IPO11: variants seen among roughly 807,000 people sequenced by gnomAD.
IPO11 encodes importin 11.
IPO11 carries 66 observed loss-of-function variants against 143.2 expected under a neutral mutation model. The observed-to-expected ratio is 0.46, with a 90% CI of 0.38 to 0.57. The LOEUF is 0.57. IPO11 is among the 20% of genes least tolerant of loss of function. IPO11 has a pLI of 0.00. For synonymous variants in IPO11, 385 were observed against 377.8 expected (o/e 1.02, Z -0.22); for missense variants, 1,026 against 1,141.0 (o/e 0.90, Z 1.45).
chr5:62,448,999 TA>T (rs1293725789), intron 3 of IPO11, among the ~76,000 whole-genome samples: 1 of 152,170 alleles, frequency 6.6e-6, no homozygotes, highest in Non-Finnish European at 1.5e-5. Context: ...TGAAAAACCT[TA>T]AAATGAGGCA....
chr5:62,610,502 A>G (rs1199884060), intron 29 of IPO11, among the ~76,000 whole-genome samples: 2 of 152,214 alleles, frequency 1.3e-5, no homozygotes, highest in Non-Finnish European at 2.9e-5. Context: ...CGTGTTGGTT[A>G]TCACATATCA....
At chr5:62,528,906 AT>A (rs1313943784) in intron 21 of IPO11, among the ~76,000 whole-genome samples, 1 of 152,128 alleles carries the variant, frequency 6.6e-6, no homozygotes, top group Non-Finnish European at 1.5e-5. Flanking sequence ...TGATTATGTG[AT>A]TTATCTCCTA....
At chr5:62,487,060 C>T (rs986063739) in intron 12 of IPO11, among the ~76,000 whole-genome samples, 1 of 151,900 alleles carries the variant, frequency 6.6e-6, no homozygotes, top group African/African-American at 2.4e-5. Context: ...TTTGTGGGTA[C>T]ATAGTAGGTG....
intron 6 of IPO11, 51 bp from the exon 7 acceptor site, chr5:62,470,199 A>G: frequency 6.5e-7 from 1 of 1,537,532 alleles, no homozygotes; most frequent in Non-Finnish European, 9.0e-7. Flanking sequence ...TGTGATTGTA[A>G]TTTTAGTAGG....
In IPO11 at chr5:62,564,485, A is replaced by G. The variant is rs116529188; in HGVS notation, c.2582+3228A>G. On this transcript the variant is annotated intron_variant, in intron 27 of 29. Transcript: ENST00000325324. ...CCATTTCCTTTTCCCAAAATAAGGC[A>G]TGTCTAAAGTATGATGTTGATGATT... Among the ~76,000 whole-genome samples the G allele has an allele frequency of 7.2e-3, 1,101 of 152,266 alleles. 14 individuals are homozygous for G. Among genetic ancestry groups the G allele is most frequent in the African/African-American group, 0.025 (1,036 of 41,552 alleles).
Position 62,452,726 on chromosome 5 carries a change from GTGT to G in IPO11, c.516+794_516+796del, listed in dbSNP as rs1561316961. ...GGTTTTGTTCTGTTTTTGGTGGGGT[GTGT>G]GTGTGTGTGTGTGTGTGTGTGTGTG... is the stretch of plus-strand genomic sequence containing the variant. On this transcript the variant is annotated intron_variant, in intron 5 of 29. Coordinates refer to ENST00000325324, the MANE Select transcript of IPO11 (RefSeq NM_016338.5). 3.6e-3 allele frequency among the ~76,000 whole-genome samples: 46 copies of G among 12,930 alleles called. 3 individuals carry two copies. Among genetic ancestry groups the G allele is most frequent in the African/African-American group, 0.011 (26 of 2,404 alleles). The allele number at this position is 12,930 out of a possible 152,430, so 8.5% of individuals were successfully genotyped here.
intron 7 of IPO11, among the ~76,000 whole-genome samples, chr5:62,473,935 C>T (rs1052642019): frequency 6.6e-6 from 1 of 152,056 alleles, no homozygotes; most frequent in Non-Finnish European, 1.5e-5. Flanking sequence ...ATAATTGGTA[C>T]CATGTGTTCA....
intron 1 of IPO11, among the ~76,000 whole-genome samples, chr5:62,422,742 C>T (rs1042251188): frequency 4.6e-5 from 7 of 152,316 alleles, no homozygotes; most frequent in Admixed American, 3.9e-4. Context: ...TCGGACAGGT[C>T]TTCCTCTCAC....
intron 1 of IPO11, among the ~76,000 whole-genome samples, chr5:62,429,128 T>C (rs1349434812): frequency 6.6e-6 from 1 of 152,236 alleles, no homozygotes; most frequent in African/African-American, 2.4e-5. Context: ...CAGTCAGTTT[T>C]AGAACATTTT....
rs191435372 is a variant in IPO11 at position 62,446,698 on chromosome 5, G to A, written c.240-3229G>A. On this transcript the variant is annotated intron_variant, in intron 3 of 29. Transcript: ENST00000325324. ...AATATCTTCTCCTAGGCCAGGTGCA[G>A]TGGCTCATGCCTGTAATCCCAGCAC... is the stretch of plus-strand genomic sequence containing the variant. Among the ~76,000 whole-genome samples the A allele has an allele frequency of 2.0e-3, 308 of 152,328 alleles. 1 individual carries two copies. The highest frequency in any genetic ancestry group is 6.6e-3 in the African/African-American group (274 of 41,580).
intron 27 of IPO11, chr5:62,579,051 T>G (rs952121111): frequency 4.2e-6 from 1 of 240,604 alleles, no homozygotes; most frequent in African/African-American, 2.3e-5. Flanking sequence ...TAAATTATAA[T>G]GTTATTTGAT....
chr5:62,459,766 G>GT (rs1262498191), intron 5 of IPO11, among the ~76,000 whole-genome samples: 3 of 152,104 alleles, frequency 2.0e-5, no homozygotes, highest in African/African-American at 4.8e-5. Context: ...GGCCAGGCTG[G>GT]TCACGAACTC....
At chr5:62,529,353 G>C (rs1258261234) in intron 21 of IPO11, among the ~76,000 whole-genome samples, 1 of 152,046 alleles carries the variant, frequency 6.6e-6, no homozygotes, top group Non-Finnish European at 1.5e-5. Flanking sequence ...TTACTCAAAA[G>C]ATCATATCTT....
intron 20 of IPO11, among the ~76,000 whole-genome samples, chr5:62,518,014 T>C (rs1742083586): frequency 6.6e-6 from 1 of 151,984 alleles, no homozygotes; most frequent in African/African-American, 2.4e-5. Flanking sequence ...TACTAAAGTT[T>C]ATTGGTTGGC....
intron 24 of IPO11, among the ~76,000 whole-genome samples, chr5:62,542,051 CT>C (rs1477229464): frequency 6.6e-6 from 1 of 151,836 alleles, no homozygotes; most frequent in Non-Finnish European, 1.5e-5. Flanking sequence ...CTGCATCTCT[CT>C]TTTTTATTTC....
At chr5:62,594,830 G>A (rs1450699286) in intron 28 of IPO11, among the ~76,000 whole-genome samples, 1 of 152,194 alleles carries the variant, frequency 6.6e-6, no homozygotes, top group Non-Finnish European at 1.5e-5. Flanking sequence ...CCAGGTGCAA[G>A]AGAGAAAGGA....
chr5:62,577,718 G>A (rs1175567014), intron 27 of IPO11, among the ~76,000 whole-genome samples: 1 of 151,752 alleles, frequency 6.6e-6, no homozygotes, highest in Non-Finnish European at 1.5e-5. Context: ...ATGCATTGCT[G>A]AATTTTTAGT....
chr5:62,480,099 C>T (rs1746129858), intron 9 of IPO11, among the ~76,000 whole-genome samples: 1 of 152,158 alleles, frequency 6.6e-6, no homozygotes, highest in Non-Finnish European at 1.5e-5. Context: ...TTTAATCCAT[C>T]TTGAATTAAT....
intron 29 of IPO11, among the ~76,000 whole-genome samples, chr5:62,616,501 A>AG (rs1298855967): frequency 5.9e-5 from 9 of 152,044 alleles, no homozygotes; most frequent in Non-Finnish European, 1.2e-4. Flanking sequence ...TGGGAGGTCG[A>AG]GGCGGGTGGA....
Sources: gnomAD v4.1 joint callset for allele counts (sites outside exome capture counted in the v4.1 genomes callset) on GRCh38, gnomAD v4.1.1 for gene constraint, MANE v1.5 for transcripts, NCBI Gene and HGNC (gene_info 2026-07-23, HGNC 2026-07-21) for gene names.